ZNF341: variants seen among roughly 807,000 people sequenced by gnomAD.
ZNF341 encodes zinc finger protein 341.
Under a neutral mutation model 87.7 loss-of-function variants are expected in ZNF341, and 52 were observed. The observed-to-expected ratio is 0.59, with a 90% CI of 0.47 to 0.75. The LOEUF is 0.75. ZNF341 is among the 30% of genes least tolerant of loss of function. The pLI is 0.00. For synonymous variants in ZNF341, 459 were observed against 472.7 expected (o/e 0.97, Z 0.38); for missense variants, 977 against 1,145.9 (o/e 0.85, Z 2.13).
chr20:33,734,413 G>A (rs536905541), intron 1 of ZNF341, among the ~76,000 whole-genome samples: 1 of 152,316 alleles, frequency 6.6e-6, no homozygotes, highest in East Asian at 1.9e-4. Context: ...GAGTGGCAGT[G>A]GGGGGTCGGG....
At chr20:33,772,255 C>T (rs931859087) in intron 10 of ZNF341, among the ~76,000 whole-genome samples, 5 of 152,034 alleles carry the variant, frequency 3.3e-5, no homozygotes, top group African/African-American at 1.2e-4. Context: ...CCTCACAAAA[C>T]CCATGGGGGT....
At chr20:33,774,307 A>G (rs992009925) in intron 10 of ZNF341, among the ~76,000 whole-genome samples, 3 of 152,244 alleles carry the variant, frequency 2.0e-5, no homozygotes, top group Admixed American at 6.5e-5. Flanking sequence ...CAAAAAAGAA[A>G]AAAGAGAAAA....
In ZNF341 at chr20:33,791,427, C is replaced by T. The variant is rs776202249; in HGVS notation, c.2475C>T (p.Gly825=). The T allele has an allele frequency of 6.2e-7, 1 of 1,611,232 alleles. No individual in the cohort carries two copies. The highest frequency in any genetic ancestry group is 8.5e-7 in the Non-Finnish European group (1 of 1,179,582). ...LVVPGHAEGL[G]SNLALAELQA... is the part of the protein sequence containing the mutation. ...TACCTGGACACGCTGAGGGGCTGGG[C>T]TCCAACCTGGCTCTGGCGGAGCTGC... Residue 825 remains glycine, a synonymous_variant, in exon 15 of 15, where the codon GGC becomes GGT. Transcript: ENST00000375200.
intron 5 of ZNF341, among the ~76,000 whole-genome samples, chr20:33,753,675 C>G (rs1024556732): frequency 2.6e-5 from 4 of 152,150 alleles, no homozygotes; most frequent in African/African-American, 9.7e-5. Flanking sequence ...GAAATATAAG[C>G]TGCCTGCAGG....
At chr20:33,740,466 T>A (rs538815227) in intron 1 of ZNF341, among the ~76,000 whole-genome samples, 5 of 152,182 alleles carry the variant, frequency 3.3e-5, no homozygotes, top group African/African-American at 1.2e-4. Context: ...TAGAAGAGAA[T>A]GTATATTGGG....
chr20:33,765,810 G>C (rs781038466), intron 8 of ZNF341, among the ~76,000 whole-genome samples: 39 of 152,226 alleles, frequency 2.6e-4, no homozygotes, highest in Non-Finnish European at 1.0e-4. Context: ...GATGAGGCCA[G>C]AGGCCCCTGA....
At chr20:33,763,340 AC>A (rs2082759119) in intron 8 of ZNF341, among the ~76,000 whole-genome samples, 1 of 152,104 alleles carries the variant, frequency 6.6e-6, no homozygotes, top group South Asian at 2.1e-4. Context: ...TCACTCTGCC[AC>A]CCAAGCTGGA....
chr20:33,753,129 C>T lies in ZNF341; in HGVS notation c.490-43C>T, dbSNP rs1360054273. 5 of 1,610,672 alleles carry T rather than the reference C, an allele frequency of 3.1e-6. No individual in the cohort carries two copies. In the East Asian group the frequency reaches 6.7e-5, roughly 22 times the overall value. ...CCTTCCTTCCTGATAAATAAGACAA[C>T]TGGTATCAAGAGGCTATAACACTTT... On this transcript the variant is annotated intron_variant, in intron 4 of 14. Transcript: ENST00000375200.
At chr20:33,742,402 G>T (rs2018820333) in intron 2 of ZNF341, among the ~76,000 whole-genome samples, 1 of 152,030 alleles carries the variant, frequency 6.6e-6, no homozygotes, top group Non-Finnish European at 1.5e-5. Flanking sequence ...TCACCACGTT[G>T]GTCAGGCTGG....
chr20:33,772,550 T>C (rs2019554065), intron 10 of ZNF341, among the ~76,000 whole-genome samples: 1 of 152,076 alleles, frequency 6.6e-6, no homozygotes, highest in African/African-American at 2.4e-5. Context: ...GTTTATAAGG[T>C]ATAGAGATAC....
chr20:33,786,866 G>T (rs1235878785), intron 12 of ZNF341, among the ~76,000 whole-genome samples: 2 of 151,666 alleles, frequency 1.3e-5, no homozygotes, highest in African/African-American at 4.8e-5. Context: ...TACTCAGGAG[G>T]CTGAGGCAGG....
chr20:33,761,256 G>C (rs2019283684), intron 7 of ZNF341, among the ~76,000 whole-genome samples: 1 of 151,748 alleles, frequency 6.6e-6, no homozygotes. Flanking sequence ...TCAAATGACA[G>C]AAGTCCCTAT....
chr20:33,790,229 A>G (rs538404137), intron 14 of ZNF341, among the ~76,000 whole-genome samples: 1 of 152,060 alleles, frequency 6.6e-6, no homozygotes, highest in East Asian at 1.9e-4. Context: ...CTGCCACCAC[A>G]CCCAGCTAAT....
chr20:33,762,520 T>C (rs888582373), intron 8 of ZNF341, among the ~76,000 whole-genome samples: 9 of 149,192 alleles, frequency 6.0e-5, no homozygotes, highest in African/African-American at 1.7e-4. Flanking sequence ...AGCCCTTTCT[T>C]TTTTTTTTTA....
chr20:33,767,563 C>T (rs2019435655), intron 9 of ZNF341, among the ~76,000 whole-genome samples: 1 of 152,138 alleles, frequency 6.6e-6, no homozygotes, highest in Admixed American at 6.5e-5. Flanking sequence ...GCCACTGTGT[C>T]TGGCTGGTGG....
chr20:33,752,918 G>T (rs2019092391), intron 4 of ZNF341, among the ~76,000 whole-genome samples: 1 of 152,064 alleles, frequency 6.6e-6, no homozygotes. Flanking sequence ...AAAGTGTTGG[G>T]ATTACAGGCG....
chr20:33,744,235 AT>A (rs574098728), intron 2 of ZNF341, among the ~76,000 whole-genome samples: 88 of 151,810 alleles, frequency 5.8e-4, no homozygotes, highest in Non-Finnish European at 1.1e-3. Context: ...GAGAGCTGAG[AT>A]TGTGCCACTG....
chr20:33,740,750 C>T, intron 1 of ZNF341, 152 bp from the exon 2 acceptor site: 1 of 630,936 alleles, frequency 1.6e-6, no homozygotes, highest in Admixed American at 2.7e-5. Flanking sequence ...CTCAAGCGAT[C>T]TCCCACCTTA....
At chr20:33,750,207 T>C (rs1188620425) in intron 4 of ZNF341, among the ~76,000 whole-genome samples, 1 of 152,152 alleles carries the variant, frequency 6.6e-6, no homozygotes, top group Non-Finnish European at 1.5e-5. Flanking sequence ...TCCTCTAGTG[T>C]CGGCCTCTCA....
Sources: gnomAD v4.1 joint callset for allele counts (sites outside exome capture counted in the v4.1 genomes callset) on GRCh38, gnomAD v4.1.1 for gene constraint, MANE v1.5 for transcripts, NCBI Gene and HGNC (gene_info 2026-07-23, HGNC 2026-07-21) for gene names.